The following PCDHA8 variants were observed in gnomAD, a reference collection of about 807,000 sequenced individuals.
PCDHA8 encodes the protein protocadherin alpha 8.
In PCDHA8, 53 loss-of-function variants were observed where a neutral mutation model predicts 61.8. That is an observed-to-expected ratio of 0.86 (90% CI 0.69 to 1.08). PCDHA8 has a LOEUF of 1.08. Among genes scored for constraint, PCDHA8 ranks in the 50% least tolerant of loss-of-function variants. The pLI, the probability that PCDHA8 is intolerant of heterozygous loss-of-function variation, is 0.00. For missense variants in PCDHA8, 1,293 were observed against 1,245.0 expected, an observed-to-expected ratio of 1.04 and a Z score of -0.58; for synonymous variants, 618 against 556.6, an observed-to-expected ratio of 1.11 and a Z score of -1.55.
intron 1 of PCDHA8, among the ~76,000 whole-genome samples, chr5:140,921,987 G>T (rs1414139435): frequency 6.6e-6 from 1 of 151,868 alleles, no homozygotes; most frequent in Non-Finnish European, 1.5e-5. Context: ...AACTAAAAAA[G>T]AGTTCAATGA....
intron 1 of PCDHA8, among the ~76,000 whole-genome samples, chr5:140,913,389 C>T (rs1427012396): frequency 6.6e-6 from 1 of 152,122 alleles, no homozygotes; most frequent in Admixed American, 6.5e-5. Flanking sequence ...CTCATCATAG[C>T]CACTAATGAT....
At chr5:140,934,952 C>T (rs1007494400) in intron 1 of PCDHA8, among the ~76,000 whole-genome samples, 22 of 152,218 alleles carry the variant, frequency 1.4e-4, no homozygotes, top group African/African-American at 5.1e-4. Flanking sequence ...AGAGAGATCC[C>T]ATGTGCTTGT....
At chr5:140,985,487 A>C (rs1554247112) in intron 3 of PCDHA8, among the ~76,000 whole-genome samples, 1 of 152,162 alleles carries the variant, frequency 6.6e-6, no homozygotes, top group Non-Finnish European at 1.5e-5. Context: ...TCCAGACTCA[A>C]ATAGAGCCTG....
At chr5:140,898,664 G>C (rs1360946717) in intron 1 of PCDHA8, among the ~76,000 whole-genome samples, 1 of 152,190 alleles carries the variant, frequency 6.6e-6, no homozygotes, top group Non-Finnish European at 1.5e-5. Flanking sequence ...GATTGACTTG[G>C]TGTTGCGGGC....
At chr5:140,944,823 C>T (rs1246814273) in intron 1 of PCDHA8, among the ~76,000 whole-genome samples, 1 of 152,148 alleles carries the variant, frequency 6.6e-6, no homozygotes, top group Non-Finnish European at 1.5e-5. Context: ...ATCTTTGCCC[C>T]ATAATTGTAA....
intron 1 of PCDHA8, among the ~76,000 whole-genome samples, chr5:140,952,925 G>T (rs144855694): frequency 8.2e-4 from 125 of 152,200 alleles, no homozygotes; most frequent in African/African-American, 2.8e-3. Flanking sequence ...GGCATGAGCA[G>T]GAGCAGGAGC....
chr5:140,929,326 G>A, intron 1 of PCDHA8: 1 of 1,538,470 alleles, frequency 6.5e-7, no homozygotes. Context: ...CAATGCCATG[G>A]TAAGCAAATT....
chr5:140,920,039 G>A (rs185914290), intron 1 of PCDHA8, among the ~76,000 whole-genome samples: 1 of 152,280 alleles, frequency 6.6e-6, no homozygotes, highest in Non-Finnish European at 1.5e-5. Flanking sequence ...TTGGAGTGAT[G>A]TCAACAGCCA....
At chr5:140,870,920 T>G (rs782215482) in intron 1 of PCDHA8, 20 of 1,613,814 alleles carry the variant, frequency 1.2e-5, no homozygotes, top group Non-Finnish European at 3.4e-6. Flanking sequence ...AACGCGTGGC[T>G]TTCATATGAA....
chr5:140,879,126 G>T (rs2057860982), intron 1 of PCDHA8, among the ~76,000 whole-genome samples: 2 of 152,182 alleles, frequency 1.3e-5, no homozygotes, highest in Admixed American at 1.3e-4. Context: ...GATTAGAGCA[G>T]GGGAGATTGT....
At position 140,982,527 on chromosome 5, in the gene PCDHA8, G is replaced by A. The variant is rs2096986081; in HGVS notation, c.2506G>A (p.Asp836Asn). ...TCTACGGGCTGGTCCAGGAGGGCCT[G>A]ATCAGCAGTGGCCAACAGTATCCAG... is the stretch of plus-strand genomic sequence containing the variant. ...GILRAGPGGP[D>N]QQWPTVSSAT... is the part of the protein sequence containing the mutation. Residue 836 changes from aspartate to asparagine, a missense_variant, in exon 3 of 4, where the codon GAT becomes AAT. By Grantham distance (23) the Asp-to-Asn change is conservative. Coordinates refer to ENST00000531613, the MANE Select transcript of PCDHA8 (RefSeq NM_018911.3). 1 of 1,614,218 alleles carries A rather than the reference G, an allele frequency of 6.2e-7. No individual in the cohort carries two copies. Among genetic ancestry groups the A allele is most frequent in the Admixed American group, 1.7e-5 (1 of 60,034 alleles).
chr5:140,881,505 CACAT>C (rs2058738073), intron 1 of PCDHA8: 1 of 242,822 alleles, frequency 4.1e-6, no homozygotes, highest in African/African-American at 2.3e-5. Flanking sequence ...TACACACACT[CACAT>C]ACAAAATCCC....
intron 1 of PCDHA8, among the ~76,000 whole-genome samples, chr5:140,912,641 G>C (rs2076009138): frequency 6.6e-6 from 1 of 152,128 alleles, no homozygotes; most frequent in African/African-American, 2.4e-5. Flanking sequence ...TCAGTACTAT[G>C]TTGAATAGAA....
intron 3 of PCDHA8, among the ~76,000 whole-genome samples, chr5:141,008,840 T>C (rs2098392722): frequency 6.6e-6 from 1 of 152,188 alleles, no homozygotes; most frequent in African/African-American, 2.4e-5. Context: ...CCTCTTACGC[T>C]GTGTATTCCC....
intron 1 of PCDHA8, among the ~76,000 whole-genome samples, chr5:140,901,959 A>G (rs1163639408): frequency 6.6e-6 from 1 of 152,076 alleles, no homozygotes; most frequent in Admixed American, 6.6e-5. Flanking sequence ...ATTCGTGGCT[A>G]TCGTAAATGG....
intron 1 of PCDHA8, chr5:140,877,760 G>C (rs782609531): frequency 6.2e-7 from 1 of 1,614,194 alleles, no homozygotes; most frequent in South Asian, 1.1e-5. Context: ...TCTGCAGAGA[G>C]CCCGCCCAAG....
intron 3 of PCDHA8, among the ~76,000 whole-genome samples, chr5:140,989,918 G>A (rs1554251173): frequency 6.6e-6 from 1 of 151,960 alleles, no homozygotes; most frequent in East Asian, 1.9e-4. Flanking sequence ...AAGAGGGAGA[G>A]CAGAGATAGA....
At chr5:140,868,988 C>T in intron 1 of PCDHA8, 1 of 1,506,234 alleles carries the variant, frequency 6.6e-7, no homozygotes, top group Non-Finnish European at 8.9e-7. Context: ...CCGGATGCCA[C>T]CGTTTAAGGA....
chr5:140,925,395 GCCT>G (rs2082476248), intron 1 of PCDHA8, among the ~76,000 whole-genome samples: 1 of 151,998 alleles, frequency 6.6e-6, no homozygotes, highest in Non-Finnish European at 1.5e-5. Flanking sequence ...CTTTTGGCTC[GCCT>G]CCTTCTTAGG....
Sources: allele counts gnomAD v4.1 joint callset (sites outside exome capture counted in the v4.1 genomes callset), GRCh38; gene constraint gnomAD v4.1.1; transcripts MANE v1.5; gene names NCBI Gene and HGNC (gene_info 2026-07-23, HGNC 2026-07-21).